Variants in WIPI2 observed in about 807,000 individuals in gnomAD.
The protein encoded by WIPI2 is WD repeat domain phosphoinositide-interacting protein 2.
In WIPI2, 28 loss-of-function variants were observed where a neutral mutation model predicts 52.3. That is an observed-to-expected ratio of 0.54 (90% CI 0.40 to 0.73). The LOEUF is 0.73. WIPI2 is among the 30% of genes least tolerant of loss of function. WIPI2 has a pLI of 0.00. For synonymous variants in WIPI2, 268 were observed against 245.0 expected (o/e 1.09, Z -0.88); for missense variants, 506 against 602.9 (o/e 0.84, Z 1.68).
At chr7:5,200,290 G>A (rs115548862) in intron 3 of WIPI2, among the ~76,000 whole-genome samples, 1 of 152,320 alleles carries the variant, frequency 6.6e-6, no homozygotes, top group African/African-American at 2.4e-5. Context: ...TATTTGCTGA[G>A]TAAAGCCTGT....
intron 3 of WIPI2, among the ~76,000 whole-genome samples, chr7:5,203,686 G>C (rs576863693): frequency 7.5e-6 from 1 of 132,688 alleles, no homozygotes; most frequent in Non-Finnish European, 1.5e-5. Flanking sequence ...AGGCTGGAGT[G>C]TAGTGGCGCA....
chr7:5,229,878 G>C, intron 12 of WIPI2, 140 bp downstream of exon 12: 1 of 1,206,572 alleles, frequency 8.3e-7, no homozygotes, highest in Non-Finnish European at 1.1e-6. Flanking sequence ...AGCGAGGTTG[G>C]TAAATGGGTG....
chr7:5,191,360 T>A (rs1050553844), intron 1 of WIPI2, among the ~76,000 whole-genome samples: 2 of 152,156 alleles, frequency 1.3e-5, no homozygotes, highest in Admixed American at 6.6e-5. Context: ...TGATGTCTTC[T>A]CCAGCAAGTA....
At chr7:5,216,438 A>G (rs528276810) in intron 4 of WIPI2, 125 bp from the exon 5 acceptor site, 1 of 775,152 alleles carries the variant, frequency 1.3e-6, no homozygotes, top group East Asian at 2.7e-5. Context: ...ACTCCAAAAA[A>G]ATAAAATACA....
chr7:5,202,914 G>T (rs1417137611), intron 3 of WIPI2, among the ~76,000 whole-genome samples: 1 of 152,146 alleles, frequency 6.6e-6, no homozygotes, highest in Non-Finnish European at 1.5e-5. Context: ...CAAAAGTTTA[G>T]AAGTTGGCTT....
chr7:5,210,200 C>T (rs1181711879), intron 3 of WIPI2, among the ~76,000 whole-genome samples: 2 of 152,230 alleles, frequency 1.3e-5, no homozygotes, highest in African/African-American at 4.8e-5. Flanking sequence ...TGAGCCCCTG[C>T]GCCTGGCCTG....
At chr7:5,219,878 C>T (rs1286136791) in intron 7 of WIPI2, among the ~76,000 whole-genome samples, 1 of 151,988 alleles carries the variant, frequency 6.6e-6, no homozygotes, top group South Asian at 2.1e-4. Flanking sequence ...CTCTGTCACC[C>T]AGGCTGGAGT....
At chr7:5,217,756 C>A (rs1782893264) in intron 6 of WIPI2, 166 bp from the exon 7 acceptor site, 1 of 691,714 alleles carries the variant, frequency 1.4e-6, no homozygotes, top group African/African-American at 1.8e-5. Flanking sequence ...GTTGGAGCAG[C>A]ATTTCCTTGG....
rs897765337 is a variant in WIPI2 at position 5,196,750 on chromosome 7, G to A, written c.129-2826G>A. 5.3e-5 allele frequency among the ~76,000 whole-genome samples: 8 copies of A among 152,048 alleles called. No individual in the cohort carries two copies. The East Asian group carries it at 9.6e-4, about 18-fold the overall frequency. Reference sequence around the variant, plus strand: ...TTAGGAAGGACGGGCTGTTAATGACGGCAGGATGGTCACGAGGAAAAGTGA... The same window carrying A: ...TTAGGAAGGACGGGCTGTTAATGACAGCAGGATGGTCACGAGGAAAAGTGA... On this transcript the variant is annotated intron_variant, in intron 2 of 12. Transcript: ENST00000288828.
chr7:5,198,592 G>A (rs982120313), intron 2 of WIPI2, among the ~76,000 whole-genome samples: 45 of 152,250 alleles, frequency 3.0e-4, no homozygotes, highest in African/African-American at 1.0e-3. Flanking sequence ...GGGATTATAG[G>A]CATGAGCCAC....
At chr7:5,203,165 C>G (rs1782114264) in intron 3 of WIPI2, among the ~76,000 whole-genome samples, 1 of 152,188 alleles carries the variant, frequency 6.6e-6, no homozygotes. Flanking sequence ...TCATCTGCAT[C>G]TTAAGGTTTG....
At chr7:5,193,738 CTAAT>C (rs1188958818) in intron 2 of WIPI2, among the ~76,000 whole-genome samples, 1 of 152,094 alleles carries the variant, frequency 6.6e-6, no homozygotes, top group Non-Finnish European at 1.5e-5. Context: ...CCACACCTGG[CTAAT>C]TTTTTTTTTA....
At chr7:5,199,466 A>G in intron 2 of WIPI2, 110 bp from the exon 3 acceptor site, 1 of 833,512 alleles carries the variant, frequency 1.2e-6, no homozygotes, top group Non-Finnish European at 2.0e-6. Context: ...TGATTTGTGG[A>G]GGGCACGCGG....
At chr7:5,212,225 C>T (rs1782594730) in intron 3 of WIPI2, among the ~76,000 whole-genome samples, 3 of 152,078 alleles carry the variant, frequency 2.0e-5, no homozygotes, top group South Asian at 2.1e-4. Flanking sequence ...GGGCCAAACA[C>T]GGCACCTGTC....
chr7:5,222,923 C>T, intron 8 of WIPI2: 1 of 424,122 alleles, frequency 2.4e-6, no homozygotes, highest in Non-Finnish European at 4.4e-6. Flanking sequence ...CTCACGCAAC[C>T]AGGTGGGCCC....
chr7:5,210,061 C>T (rs1338536207), intron 3 of WIPI2, among the ~76,000 whole-genome samples: 5 of 135,248 alleles, frequency 3.7e-5, no homozygotes, highest in East Asian at 2.2e-4. Flanking sequence ...GCGCCCACCG[C>T]GATGCCCGGC....
intron 7 of WIPI2, among the ~76,000 whole-genome samples, chr7:5,221,692 C>T (rs1783138246): frequency 6.6e-6 from 1 of 152,220 alleles, no homozygotes; most frequent in Non-Finnish European, 1.5e-5. Flanking sequence ...TTGGCATCTT[C>T]AAGACACTTC....
intron 2 of WIPI2, among the ~76,000 whole-genome samples, chr7:5,194,546 A>G (rs1361866546): frequency 2.6e-5 from 4 of 152,232 alleles, no homozygotes; most frequent in Non-Finnish European, 5.9e-5. Context: ...GATGGATCAA[A>G]CATAAGCATT....
At position 5,233,227 on chromosome 7, in the gene WIPI2, C is replaced by G. The variant is rs1041065251; in HGVS notation, c.*2280C>G. The stretch of plus-strand genomic sequence containing the variant: ...GTGGAGGGTTACCCGCCTCCACTTT[C>G]CCGTTGCCCATTTCACTGCCACCAG... On this transcript the variant is annotated 3_prime_UTR_variant, in exon 13 of 13. Transcript: ENST00000288828. 1 of 152,314 alleles carries G rather than the reference C, an allele frequency of 6.6e-6. No homozygotes were observed. Among genetic ancestry groups the G allele is most frequent in the South Asian group, 2.1e-4 (1 of 4,834 alleles). The allele number at this position is 152,314 out of a possible 1,614,324, so 9.4% of individuals were successfully genotyped here.
Sources: allele counts gnomAD v4.1 joint callset (sites outside exome capture counted in the v4.1 genomes callset), GRCh38; gene constraint gnomAD v4.1.1; transcripts MANE v1.5; gene names NCBI Gene and HGNC (gene_info 2026-07-23, HGNC 2026-07-21).